Variants in SPAG16 observed in about 807,000 individuals in gnomAD.
SPAG16 encodes the protein sperm-associated antigen 16 protein.
A neutral mutation model predicts 80.4 loss-of-function variants in SPAG16; 86 were observed. The observed-to-expected ratio is 1.07, with a 90% CI of 0.90 to 1.28. The LOEUF (loss-of-function observed/expected upper bound fraction) is 1.28, where lower values mean the gene tolerates loss of function less well. SPAG16 is among the 50% of genes most tolerant of loss of function. The pLI, the probability that SPAG16 is intolerant of heterozygous loss-of-function variation, is 0.00. For missense variants in SPAG16, 870 were observed against 765.3 expected (o/e 1.14, Z -1.61); for synonymous variants, 294 against 265.9 (o/e 1.11, Z -1.03).
intron 9 of SPAG16, among the ~76,000 whole-genome samples, chr2:213,381,956 G>A (rs528380764): frequency 2.0e-5 from 3 of 152,174 alleles, no homozygotes; most frequent in South Asian, 2.1e-4. Context: ...GTCTTTCAGC[G>A]CTCCCATTGG....
intron 10 of SPAG16, among the ~76,000 whole-genome samples, chr2:213,692,690 G>C (rs2064993608): frequency 6.6e-6 from 1 of 151,858 alleles, no homozygotes; most frequent in African/African-American, 2.4e-5. Flanking sequence ...GGTGCCTGTA[G>C]TCCCAGCTAT....
intron 10 of SPAG16, among the ~76,000 whole-genome samples, chr2:213,604,728 A>G (rs1331962058): frequency 6.6e-6 from 1 of 151,720 alleles, no homozygotes; most frequent in Non-Finnish European, 1.5e-5. Flanking sequence ...TACACAATAG[A>G]TCTTCCTAAT....
At chr2:214,137,771 A>G (rs1559835743) in intron 14 of SPAG16, among the ~76,000 whole-genome samples, 2 of 148,928 alleles carry the variant, frequency 1.3e-5, no homozygotes, top group African/African-American at 4.9e-5. Flanking sequence ...ATTGTTGCAC[A>G]TAAAAAATAA....
At chr2:214,121,631 C>T (rs948274221) in intron 14 of SPAG16, among the ~76,000 whole-genome samples, 1 of 151,770 alleles carries the variant, frequency 6.6e-6, no homozygotes, top group Non-Finnish European at 1.5e-5. Flanking sequence ...ACTGCTACTA[C>T]TGCTATTATT....
chr2:213,902,598 G>A (rs1049263624), intron 11 of SPAG16, among the ~76,000 whole-genome samples: 13 of 152,138 alleles, frequency 8.5e-5, no homozygotes, highest in Non-Finnish European at 1.8e-4. Flanking sequence ...GGGAATTATG[G>A]GAGTACAATT....
intron 10 of SPAG16, among the ~76,000 whole-genome samples, chr2:213,779,082 C>T (rs1222247995): frequency 6.6e-6 from 1 of 152,170 alleles, no homozygotes; most frequent in East Asian, 1.9e-4. Context: ...CTATTTCAAT[C>T]CTTTCCAGTT....
At chr2:214,356,860 C>G (rs1054086451) in intron 15 of SPAG16, among the ~76,000 whole-genome samples, 3 of 151,898 alleles carry the variant, frequency 2.0e-5, no homozygotes, top group Admixed American at 6.6e-5. Context: ...GTGGTTGTCT[C>G]AAGTTTTCTT....
At chr2:213,954,030 T>G (rs961969032) in intron 12 of SPAG16, among the ~76,000 whole-genome samples, 2 of 152,074 alleles carry the variant, frequency 1.3e-5, no homozygotes, top group African/African-American at 4.8e-5. Flanking sequence ...AGTTTACAAT[T>G]CAGTATTTTT....
At chr2:213,921,431 A>T (rs1048848487) in intron 11 of SPAG16, among the ~76,000 whole-genome samples, 1 of 152,058 alleles carries the variant, frequency 6.6e-6, no homozygotes, top group African/African-American at 2.4e-5. Flanking sequence ...ATGTCATTGT[A>T]TGTGAGATGG....
intron 15 of SPAG16, among the ~76,000 whole-genome samples, chr2:214,250,757 T>TAGAGAGAGAGAG (rs1171199832): frequency 2.0e-4 from 18 of 91,278 alleles, no homozygotes; most frequent in African/African-American, 4.9e-4. Flanking sequence ...TATATATATA[T>TAGAGAGAGAGAG]AGAGAGAGAG....
intron 15 of SPAG16, among the ~76,000 whole-genome samples, chr2:214,160,782 C>T (rs191636390): frequency 1.3e-5 from 2 of 152,040 alleles, no homozygotes; most frequent in Admixed American, 6.6e-5. Flanking sequence ...TACATTTTAC[C>T]CACATTAATA....
intron 12 of SPAG16, among the ~76,000 whole-genome samples, chr2:213,956,572 C>T (rs529856359): frequency 3.4e-4 from 51 of 151,324 alleles, no homozygotes; most frequent in Middle Eastern, 3.5e-3. Context: ...CTCAGCCTCC[C>T]GAGTAACTGG....
intron 10 of SPAG16, among the ~76,000 whole-genome samples, chr2:213,666,002 T>C (rs542064781): frequency 6.6e-6 from 1 of 152,152 alleles, no homozygotes; most frequent in Non-Finnish European, 1.5e-5. Flanking sequence ...GAGAAGGCCT[T>C]ATTGGACCTT....
intron 10 of SPAG16, among the ~76,000 whole-genome samples, chr2:213,534,902 T>C (rs1339596912): frequency 6.6e-6 from 1 of 152,062 alleles, no homozygotes; most frequent in African/African-American, 2.4e-5. Context: ...TAAGAGTAAA[T>C]TGAGTTCATT....
At chr2:214,291,893 C>A (rs1471291781) in intron 15 of SPAG16, among the ~76,000 whole-genome samples, 5 of 152,126 alleles carry the variant, frequency 3.3e-5, no homozygotes, top group African/African-American at 9.7e-5. Flanking sequence ...TAAATGTTGT[C>A]TTTTCGCTTC....
In SPAG16 at chr2:213,773,591, C is replaced by T. The variant is rs76255291; in HGVS notation, c.1071-88894C>T. 1.3e-3 allele frequency among the ~76,000 whole-genome samples: 198 copies of T among 152,156 alleles called. 2 individuals carry two copies. Among genetic ancestry groups the T allele is most frequent in the Middle Eastern group, 3.4e-3 (1 of 294 alleles). ...CTTTTTTGATGGAGTCTTTCTCTGT[C>T]GCCCAGGATGGAGTGTGCAGTGGCA... On this transcript the variant is annotated intron_variant, in intron 10 of 15. Transcript: ENST00000331683.
rs149730868 is a variant in SPAG16, at chr2:213,432,520, A to T, written c.942+57401A>T. Among the ~76,000 whole-genome samples, 310 of 152,252 alleles carry T rather than the reference A, an allele frequency of 2.0e-3. 1 individual carries two copies. The highest frequency in any genetic ancestry group is 3.7e-3 in the Non-Finnish European group (253 of 67,958). Reference sequence around the variant, plus strand: ...ATGGCTAAATTCCTGGGAACATACAAATTTCCAAGATTGAACTAGGAATAA... The same window carrying T: ...ATGGCTAAATTCCTGGGAACATACATATTTCCAAGATTGAACTAGGAATAA... On this transcript the variant is annotated intron_variant, in intron 9 of 15. Transcript: ENST00000331683.
intron 12 of SPAG16, among the ~76,000 whole-genome samples, chr2:213,945,284 C>T (rs2079393805): frequency 7.2e-6 from 1 of 139,688 alleles, no homozygotes; most frequent in South Asian, 2.2e-4. Context: ...TATACACAAA[C>T]ACACACATAT....
At chr2:214,059,258 ATG>A (rs1284521463) in intron 13 of SPAG16, among the ~76,000 whole-genome samples, 2 of 103,214 alleles carry the variant, frequency 1.9e-5, no homozygotes, top group Non-Finnish European at 4.3e-5. Flanking sequence ...ATATATATGT[ATG>A]TATATATATA....
Sources: allele counts gnomAD v4.1 joint callset (sites outside exome capture counted in the v4.1 genomes callset), GRCh38; gene constraint gnomAD v4.1.1; transcripts MANE v1.5; gene names NCBI Gene and HGNC (gene_info 2026-07-23, HGNC 2026-07-21).